The following PCDHA11 variants were observed in gnomAD, a reference collection of about 807,000 sequenced individuals.
The protein encoded by PCDHA11 is protocadherin alpha 11.
Under a neutral mutation model 70.3 loss-of-function variants are expected in PCDHA11, and 61 were observed. That is an observed-to-expected ratio of 0.87 (90% CI 0.71 to 1.07). The LOEUF is 1.07. PCDHA11 is among the 50% of genes least tolerant of loss of function. PCDHA11 has a pLI of 0.00. For synonymous variants in PCDHA11, 633 were observed against 555.1 expected, an observed-to-expected ratio of 1.14 and a Z score of -1.97; for missense variants, 1,324 against 1,237.5, an observed-to-expected ratio of 1.07 and a Z score of -1.05.
intron 1 of PCDHA11, among the ~76,000 whole-genome samples, chr5:140,957,165 A>G (rs2095338056): frequency 6.6e-6 from 1 of 152,190 alleles, no homozygotes; most frequent in Non-Finnish European, 1.5e-5. Context: ...AAATCTAAGT[A>G]TATAAATTGG....
chr5:140,875,938 G>A (rs375005102), intron 1 of PCDHA11: 5 of 1,614,020 alleles, frequency 3.1e-6, no homozygotes, highest in Middle Eastern at 1.6e-4. Flanking sequence ...TCCTCTAGAG[G>A]GCGCTTCTGA....
rs1554229569 is a variant in PCDHA11, at chr5:140,967,454, G to A, written c.2392-11495G>A. ...CTTGCACCACCTGGTTCTCACAGCCGTGGATGGGGGCATCCCAGCCCGCTC... is the reference window on the plus strand; with the variant it reads ...CTTGCACCACCTGGTTCTCACAGCCATGGATGGGGGCATCCCAGCCCGCTC... On this transcript the variant is annotated intron_variant, in intron 1 of 3. Transcript: ENST00000398640. 6.2e-7 allele frequency: 1 copy of A among 1,613,614 alleles called. No individual in the cohort carries two copies. Among genetic ancestry groups the A allele is most frequent in the Admixed American group, 1.7e-5 (1 of 60,010 alleles).
At position 140,871,191 on chromosome 5, in the gene PCDHA11, C is replaced by A. The variant is rs370303558; in HGVS notation, c.2088C>A (p.Asn696Lys). The A allele has an allele frequency of 2.4e-5, 38 of 1,613,538 alleles. No individual in the cohort carries two copies. The African/African-American group carries it at 4.4e-4, about 19-fold the overall frequency. Reference protein sequence around the residue: ...ASPEAALVDVNVYLIIAICVV... With the variant: ...ASPEAALVDVKVYLIIAICVV... ...CAGAGGCTGCGCTGGTGGATGTCAA[C>A]GTGTACCTGATCATCGCCATCTGCG... Residue 696 changes from asparagine (N) to lysine (K), a missense_variant, in exon 1 of 4, where the codon AAC becomes AAA. By Grantham distance (94) the Asn-to-Lys change is moderately conservative. Transcript: ENST00000398640.
chr5:140,913,082 C>G (rs2076197049), intron 1 of PCDHA11, among the ~76,000 whole-genome samples: 1 of 152,108 alleles, frequency 6.6e-6, no homozygotes, highest in African/African-American at 2.4e-5. Context: ...TGTTTGGTAT[C>G]AGGATAATAC....
At chr5:140,929,554 C>T (rs899446101) in intron 1 of PCDHA11, 4 of 488,414 alleles carry the variant, frequency 8.2e-6, no homozygotes, top group Non-Finnish European at 1.4e-5. Context: ...AAAATTAAAA[C>T]CTATTTAAGA....
intron 1 of PCDHA11, among the ~76,000 whole-genome samples, chr5:140,914,110 A>G (rs889499995): frequency 6.6e-6 from 1 of 152,168 alleles, no homozygotes; most frequent in Non-Finnish European, 1.5e-5. Flanking sequence ...GTGCAGATTA[A>G]GTCTGATGTT....
At chr5:140,913,959 T>TA (rs1562996315) in intron 1 of PCDHA11, among the ~76,000 whole-genome samples, 4 of 152,166 alleles carry the variant, frequency 2.6e-5, no homozygotes, top group African/African-American at 7.2e-5. Context: ...GATATCATTT[T>TA]TAAAAAAATA....
intron 1 of PCDHA11, among the ~76,000 whole-genome samples, chr5:140,960,030 C>T (rs75063622): frequency 0.012 from 1,781 of 152,150 alleles, 34 homozygotes; most frequent in African/African-American, 0.039. Flanking sequence ...TTGTTAAGTC[C>T]GGCTGTTTAT....
chr5:140,921,203 G>A (rs782776779), intron 1 of PCDHA11, among the ~76,000 whole-genome samples: 22 of 151,476 alleles, frequency 1.5e-4, no homozygotes, highest in Non-Finnish European at 2.7e-4. Context: ...GATTGACAAC[G>A]ATAATTCACG....
chr5:140,996,130 G>A (rs1185857732), intron 3 of PCDHA11, among the ~76,000 whole-genome samples: 2 of 152,162 alleles, frequency 1.3e-5, no homozygotes, highest in African/African-American at 4.8e-5. Flanking sequence ...GGTGTAGAGG[G>A]TTCTCCCATT....
At chr5:140,897,471 G>A (rs1260992963) in intron 1 of PCDHA11, among the ~76,000 whole-genome samples, 3 of 151,810 alleles carry the variant, frequency 2.0e-5, no homozygotes, top group Non-Finnish European at 4.4e-5. Flanking sequence ...AGTTTACTGA[G>A]AATGATGATT....
chr5:140,883,251 T>C, intron 1 of PCDHA11: 1 of 1,614,086 alleles, frequency 6.2e-7, no homozygotes, highest in Non-Finnish European at 8.5e-7. Flanking sequence ...AAAGGAAATA[T>C]TCCAATGGCG....
At chr5:141,005,032 T>A (rs1031521338) in intron 3 of PCDHA11, among the ~76,000 whole-genome samples, 2 of 152,228 alleles carry the variant, frequency 1.3e-5, no homozygotes, top group Non-Finnish European at 2.9e-5. Context: ...TAATTGCCCA[T>A]ATGTGATACC....
intron 1 of PCDHA11, among the ~76,000 whole-genome samples, chr5:140,909,018 A>AT: frequency 6.6e-6 from 1 of 152,230 alleles, no homozygotes; most frequent in East Asian, 1.9e-4. Context: ...AGGTTCCTGA[A>AT]TTTTAGTCAT....
chr5:140,974,709 C>T (rs1385583490), intron 1 of PCDHA11, among the ~76,000 whole-genome samples: 1 of 152,092 alleles, frequency 6.6e-6, no homozygotes, highest in Non-Finnish European at 1.5e-5. Flanking sequence ...CCATGTTGTT[C>T]AAGCTGCTCT....
At chr5:140,934,013 A>G (rs2089566693) in intron 1 of PCDHA11, among the ~76,000 whole-genome samples, 1 of 151,836 alleles carries the variant, frequency 6.6e-6, no homozygotes. Context: ...TTTCTTGACT[A>G]GACTTGGAAG....
At chr5:140,892,616 G>A (rs781995267) in intron 1 of PCDHA11, among the ~76,000 whole-genome samples, 1 of 151,910 alleles carries the variant, frequency 6.6e-6, no homozygotes, top group Admixed American at 6.6e-5. Flanking sequence ...TTTATTTCCA[G>A]TTGGTACATA....
intron 1 of PCDHA11, among the ~76,000 whole-genome samples, chr5:140,904,056 G>A (rs1474308111): frequency 6.6e-6 from 1 of 151,944 alleles, no homozygotes; most frequent in Non-Finnish European, 1.5e-5. Context: ...TATTTCAATG[G>A]GTTTTTGGGG....
chr5:140,909,996 T>G (rs549464312), intron 1 of PCDHA11, among the ~76,000 whole-genome samples: 5 of 152,310 alleles, frequency 3.3e-5, no homozygotes, highest in African/African-American at 1.2e-4. Context: ...ACAGCATAAA[T>G]TGTTGTCAGT....
Sources: gnomAD v4.1 joint callset for allele counts (sites outside exome capture counted in the v4.1 genomes callset) on GRCh38, gnomAD v4.1.1 for gene constraint, MANE v1.5 for transcripts, NCBI Gene and HGNC (gene_info 2026-07-23, HGNC 2026-07-21) for gene names.